The following NEK7 variants were observed in gnomAD, a reference collection of about 807,000 sequenced individuals.
The protein encoded by NEK7 is NIMA related kinase 7, also known as serine/threonine-protein kinase Nek7.
A neutral mutation model predicts 44.6 loss-of-function variants in NEK7; 18 were observed. The ratio of observed to expected loss-of-function variants is 0.40; its 90% CI spans 0.28 to 0.60. NEK7 has a LOEUF of 0.60. NEK7 is among the 20% of genes least tolerant of loss of function. NEK7 has a pLI of 0.38. For missense variants in NEK7, 256 were observed against 366.5 expected, an observed-to-expected ratio of 0.70 and a Z score of 2.46; for synonymous variants, 130 against 121.1, an observed-to-expected ratio of 1.07 and a Z score of -0.48.
intron 2 of NEK7, 91 bp downstream of exon 2, chr1:198,232,728 A>G (rs1161572007): frequency 9.9e-6 from 7 of 707,244 alleles, no homozygotes; most frequent in Non-Finnish European, 1.6e-5. Flanking sequence ...CCTTTAGGAA[A>G]TAAAGTAGCA....
intron 7 of NEK7, among the ~76,000 whole-genome samples, chr1:198,291,875 G>A (rs1209413231): frequency 6.6e-6 from 1 of 151,978 alleles, no homozygotes; most frequent in African/African-American, 2.4e-5. Flanking sequence ...TTGATTATTG[G>A]TGTGAATCTT....
chr1:198,234,705 T>G (rs1342951083), intron 2 of NEK7, among the ~76,000 whole-genome samples: 2 of 152,234 alleles, frequency 1.3e-5, no homozygotes, highest in African/African-American at 4.8e-5. Context: ...TCTGCATTTC[T>G]TTTTACACTG....
chr1:198,222,883 TG>T (rs1280367587), intron 1 of NEK7, among the ~76,000 whole-genome samples: 1 of 123,650 alleles, frequency 8.1e-6, no homozygotes. Flanking sequence ...AAGCGGGGGG[TG>T]GGGGTGGATG....
Position 198,262,603 on chromosome 1 carries a change from G to C in NEK7, c.227G>C (p.Arg76Pro), listed in dbSNP as rs760781979. ...QIFDLMDAKA[R>P]ADCIKEIDLL... ...TTTGATTTAATGGATGCCAAAGCAC[G>C]TGCTGATTGCATCAAAGAAATAGAT... is the stretch of plus-strand genomic sequence containing the variant. Residue 76 changes from arginine (R) to proline (P), a missense_variant, in exon 4 of 10, where the codon CGT (arginine) becomes CCT (proline). Physicochemically the swap from Arg to Pro is moderately radical, Grantham distance 103. Around this residue, in one of 3 missense-constraint regions of NEK7, gnomAD observed 96 missense variants for 94.9 expected, o/e 1.01. Transcript: ENST00000367385. 3.1e-6 allele frequency: 5 copies of C among 1,597,568 alleles called. No individual in the cohort carries two copies. The highest frequency in any genetic ancestry group is 4.3e-6 in the Non-Finnish European group (5 of 1,169,402).
In NEK7 at chr1:198,253,122, A is replaced by G; in HGVS notation, c.140A>G (p.Glu47Gly). ...EKKIGRGQFSEVYRAACLLDG... is the reference protein window; with the variant it reads ...EKKIGRGQFSGVYRAACLLDG... ...AAAATTGGTCGCGGACAATTTAGTG[A>G]AGTTTATAGAGCAGCCTGTCTCTTG... is the stretch of plus-strand genomic sequence containing the variant. The change falls in exon 3 of 10, where the codon GAA becomes GGA. Residue 47 changes from glutamate (E) to glycine (G), a missense_variant. Physicochemically the swap from Glu to Gly is moderately conservative, Grantham distance 98. This residue lies in a region of NEK7 where 96 missense variants were observed against 94.9 expected (regional missense o/e 1.01). Coordinates refer to ENST00000367385, the MANE Select transcript of NEK7 (RefSeq NM_133494.3). 6.2e-7 allele frequency: 1 copy of G among 1,612,448 alleles called. No homozygotes were observed. The highest frequency in any genetic ancestry group is 8.5e-7 in the Non-Finnish European group (1 of 1,178,712).
Position 198,260,049 on chromosome 1 carries a change from A to G in NEK7, c.199-2526A>G, listed in dbSNP as rs1653404725. ...GATGGTTTTCTTATTTGTATCTGTA[A>G]TAAAATCTGATAGTAAGATGGCATT... On this transcript the variant is annotated intron_variant, in intron 3 of 9. Coordinates refer to ENST00000367385, the MANE Select transcript of NEK7 (RefSeq NM_133494.3). 2.0e-5 allele frequency among the ~76,000 whole-genome samples: 3 copies of G among 152,290 alleles called. No individual in the cohort carries two copies. In the South Asian group the frequency reaches 6.2e-4, roughly 32 times the overall value.
At chr1:198,258,894 C>T (rs1318506810) in intron 3 of NEK7, among the ~76,000 whole-genome samples, 3 of 152,136 alleles carry the variant, frequency 2.0e-5, no homozygotes, top group African/African-American at 7.2e-5. Flanking sequence ...TTTTCTTGCT[C>T]ATGAAATCAT....
chr1:198,287,865 T>C (rs954178613), intron 7 of NEK7, among the ~76,000 whole-genome samples: 6 of 152,238 alleles, frequency 3.9e-5, no homozygotes, highest in African/African-American at 1.4e-4. Flanking sequence ...CCTTTCTCAG[T>C]GAGACAAATG....
intron 3 of NEK7, chr1:198,256,678 G>T (rs1653277335): frequency 3.1e-6 from 2 of 636,116 alleles, no homozygotes; most frequent in Non-Finnish European, 4.9e-6. Flanking sequence ...TAAACATAAT[G>T]AGACTCATGG....
chr1:198,158,025 G>A (rs1280121556), intron 1 of NEK7, among the ~76,000 whole-genome samples: 1 of 152,174 alleles, frequency 6.6e-6, no homozygotes, highest in African/African-American at 2.4e-5. Context: ...ACAACCTAGA[G>A]GATGCTGCCT....
At chr1:198,281,905 A>AATTAGTTTTCAG (rs1483160543) in intron 7 of NEK7, among the ~76,000 whole-genome samples, 1 of 152,074 alleles carries the variant, frequency 6.6e-6, no homozygotes, top group Non-Finnish European at 1.5e-5. Context: ...CCACATTTCC[A>AATTAGTTTTCAG]ATTAGTTTTC....
chr1:198,233,578 T>G (rs1232772335), intron 2 of NEK7, among the ~76,000 whole-genome samples: 3 of 152,128 alleles, frequency 2.0e-5, no homozygotes, highest in Non-Finnish European at 4.4e-5. Flanking sequence ...TGATAAGTGT[T>G]CTTTCACAAG....
At chr1:198,185,045 A>G (rs1255717776) in intron 1 of NEK7, among the ~76,000 whole-genome samples, 2 of 152,102 alleles carry the variant, frequency 1.3e-5, no homozygotes, top group South Asian at 4.1e-4. Context: ...TTTGAAAGGT[A>G]CTAGGAAAAC....
At chr1:198,302,282 T>C (rs973370205) in intron 9 of NEK7, among the ~76,000 whole-genome samples, 1 of 152,010 alleles carries the variant, frequency 6.6e-6, no homozygotes, top group Non-Finnish European at 1.5e-5. Flanking sequence ...TAAATACTAA[T>C]AAATATATTT....
At chr1:198,315,495 G>T (rs944454049) in intron 9 of NEK7, among the ~76,000 whole-genome samples, 1 of 152,220 alleles carries the variant, frequency 6.6e-6, no homozygotes, top group African/African-American at 2.4e-5. Context: ...TTTCTAAGAG[G>T]TATGAGGAGC....
chr1:198,184,237 C>T (rs926474934), intron 1 of NEK7, among the ~76,000 whole-genome samples: 7 of 151,932 alleles, frequency 4.6e-5, no homozygotes, highest in Admixed American at 2.6e-4. Flanking sequence ...ATGACAAACA[C>T]ATTATAAATA....
At chr1:198,212,759 A>G (rs1665812744) in intron 1 of NEK7, among the ~76,000 whole-genome samples, 1 of 152,228 alleles carries the variant, frequency 6.6e-6, no homozygotes, top group Admixed American at 6.5e-5. Flanking sequence ...ATCTGCTGTC[A>G]CCACTACGGC....
At chr1:198,261,554 G>T (rs1035736571) in intron 3 of NEK7, among the ~76,000 whole-genome samples, 1 of 151,848 alleles carries the variant, frequency 6.6e-6, no homozygotes, top group Admixed American at 6.6e-5. Context: ...TGGAATGTTA[G>T]CTGGCTGAAT....
At chr1:198,270,692 C>A (rs534457834) in intron 5 of NEK7, among the ~76,000 whole-genome samples, 1 of 152,150 alleles carries the variant, frequency 6.6e-6, no homozygotes, top group South Asian at 2.1e-4. Flanking sequence ...CCTTAAAACT[C>A]TTTTTCTTTA....
Sources: gnomAD v4.1 joint callset for allele counts (sites outside exome capture counted in the v4.1 genomes callset) on GRCh38, gnomAD v4.1.1 for gene constraint, gnomAD v4.1.1 regional missense constraint, MANE v1.5 for transcripts, NCBI Gene and HGNC (gene_info 2026-07-23, HGNC 2026-07-21) for gene names.